The following NKAIN3 variants were observed in gnomAD, a reference collection of about 807,000 sequenced individuals.
NKAIN3 encodes sodium/potassium-transporting ATPase subunit beta-1-interacting protein 3.
A neutral mutation model predicts 30.2 loss-of-function variants in NKAIN3; 25 were observed. The ratio of observed to expected loss-of-function variants is 0.83; its 90% CI spans 0.60 to 1.16. The LOEUF is 1.16. Among genes scored for constraint, NKAIN3 ranks in the 50% most tolerant of loss-of-function variants. The pLI is 0.00. For synonymous variants in NKAIN3, 91 were observed against 89.6 expected, an observed-to-expected ratio of 1.02 and a Z score of -0.09; for missense variants, 225 against 254.1, an observed-to-expected ratio of 0.89 and a Z score of 0.78.
chr8:62,563,204 A>G (rs1042485568), intron 1 of NKAIN3, among the ~76,000 whole-genome samples: 8 of 152,114 alleles, frequency 5.3e-5, no homozygotes, highest in African/African-American at 1.9e-4. Context: ...CTATAACTGC[A>G]TTTTTTAAGG....
At chr8:62,858,988 C>A (rs894113398) in intron 4 of NKAIN3, among the ~76,000 whole-genome samples, 1 of 152,178 alleles carries the variant, frequency 6.6e-6, no homozygotes, top group African/African-American at 2.4e-5. Context: ...ATGTAAAGCT[C>A]CTGGGTCTCA....
chr8:62,427,165 T>C (rs1020068606), intron 1 of NKAIN3, among the ~76,000 whole-genome samples: 2 of 152,086 alleles, frequency 1.3e-5, no homozygotes, highest in African/African-American at 4.8e-5. Context: ...GAGATTACTT[T>C]CTTGTCAAAA....
At chr8:62,841,057 C>A (rs1230284682) in intron 4 of NKAIN3, among the ~76,000 whole-genome samples, 1 of 152,058 alleles carries the variant, frequency 6.6e-6, no homozygotes, top group Non-Finnish European at 1.5e-5. Flanking sequence ...TTGTCCTAAT[C>A]CCCAGACCTG....
chr8:62,306,921 T>C (rs1814264504), intron 1 of NKAIN3, among the ~76,000 whole-genome samples: 1 of 150,266 alleles, frequency 6.7e-6, no homozygotes, highest in Admixed American at 6.6e-5. Flanking sequence ...GAAAGCATAC[T>C]GGTCATGACC....
intron 1 of NKAIN3, among the ~76,000 whole-genome samples, chr8:62,455,526 G>A (rs1805787168): frequency 6.6e-6 from 1 of 152,144 alleles, no homozygotes; most frequent in African/African-American, 2.4e-5. Flanking sequence ...GAGGTGGTAG[G>A]GAGGAAGTGG....
At chr8:62,592,602 T>C (rs1166091528) in intron 3 of NKAIN3, among the ~76,000 whole-genome samples, 1 of 152,038 alleles carries the variant, frequency 6.6e-6, no homozygotes, top group African/African-American at 2.4e-5. Context: ...AACACAACCA[T>C]GTCAATGACT....
chr8:62,390,258 C>T (rs1817551563), intron 1 of NKAIN3, among the ~76,000 whole-genome samples: 1 of 152,116 alleles, frequency 6.6e-6, no homozygotes, highest in African/African-American at 2.4e-5. Flanking sequence ...CATTTCTTCT[C>T]ATCATTTAGC....
intron 1 of NKAIN3, among the ~76,000 whole-genome samples, chr8:62,427,005 T>G (rs1804828205): frequency 6.6e-6 from 1 of 151,944 alleles, no homozygotes; most frequent in Admixed American, 6.6e-5. Flanking sequence ...TTGTATAAGG[T>G]GATACCCATA....
At chr8:62,908,502 T>G (rs2085252) in intron 4 of NKAIN3, among the ~76,000 whole-genome samples, 13,764 of 112,548 alleles carry the variant, frequency 0.12, 650 homozygotes, top group South Asian at 0.23. Flanking sequence ...TCATCTTGAA[T>G]TATAGCTCCT....
rs1191364002 is a variant in NKAIN3 at position 62,909,294 on chromosome 8, C to T, written c.472-9159C>T. 2.0e-5 allele frequency among the ~76,000 whole-genome samples: 3 copies of T among 152,052 alleles called. No homozygotes were observed. The East Asian group carries it at 5.8e-4, about 29-fold the overall frequency. ...TTAGAATGTAGCTTTATGTCATTTG[C>T]ATTAATTAAATATATCAAAGAAGAT... On this transcript the variant is annotated intron_variant, in intron 4 of 6. Coordinates refer to ENST00000623646, the MANE Select transcript of NKAIN3 (RefSeq NM_001304533.3).
intron 3 of NKAIN3, among the ~76,000 whole-genome samples, chr8:62,604,112 C>T (rs890008717): frequency 6.6e-6 from 1 of 152,090 alleles, no homozygotes; most frequent in Non-Finnish European, 1.5e-5. Context: ...TTCCATCCTT[C>T]CATGTCCCAT....
intron 4 of NKAIN3, chr8:62,863,508 C>T: frequency 6.7e-7 from 1 of 1,492,690 alleles, no homozygotes; most frequent in Non-Finnish European, 9.3e-7. Context: ...GGTGGGAGGC[C>T]TTGATAGTTG....
chr8:62,347,542 A>G (rs1347290245), intron 1 of NKAIN3, among the ~76,000 whole-genome samples: 2 of 152,262 alleles, frequency 1.3e-5, no homozygotes, highest in Admixed American at 6.5e-5. Flanking sequence ...AGACATTTCC[A>G]TGGAAATATT....
intron 1 of NKAIN3, among the ~76,000 whole-genome samples, chr8:62,565,503 G>C (rs1365597802): frequency 6.6e-6 from 1 of 152,078 alleles, no homozygotes; most frequent in East Asian, 1.9e-4. Context: ...CCGAGGCACA[G>C]AGTTTAAGGA....
chr8:62,824,632 G>T (rs1818961900), intron 4 of NKAIN3, among the ~76,000 whole-genome samples: 1 of 151,994 alleles, frequency 6.6e-6, no homozygotes, highest in Non-Finnish European at 1.5e-5. Flanking sequence ...AGTCTTCATG[G>T]GAGAAACATG....
intron 4 of NKAIN3, among the ~76,000 whole-genome samples, chr8:62,851,669 A>C (rs983939845): frequency 6.6e-6 from 1 of 152,004 alleles, no homozygotes; most frequent in Non-Finnish European, 1.5e-5. Context: ...AGCATGAAGC[A>C]TTGTTGAATT....
chr8:62,751,036 C>G (rs1274230971), intron 4 of NKAIN3, among the ~76,000 whole-genome samples: 6 of 152,180 alleles, frequency 3.9e-5, no homozygotes, highest in South Asian at 2.1e-4. Context: ...TCCTTCCGAT[C>G]ACCCTTCAGT....
intron 5 of NKAIN3, chr8:62,990,141 A>C: frequency 9.4e-7 from 1 of 1,064,054 alleles, no homozygotes; most frequent in Non-Finnish European, 1.4e-6. Flanking sequence ...TTGATATTTT[A>C]AAAATCAACT....
chr8:62,911,733 A>G (rs1013857551), intron 4 of NKAIN3, among the ~76,000 whole-genome samples: 2 of 152,092 alleles, frequency 1.3e-5, no homozygotes, highest in Non-Finnish European at 2.9e-5. Flanking sequence ...TTTTCAAGCT[A>G]AAGGATCATC....
Sources: gnomAD v4.1 joint callset for allele counts (sites outside exome capture counted in the v4.1 genomes callset) on GRCh38, gnomAD v4.1.1 for gene constraint, MANE v1.5 for transcripts, NCBI Gene and HGNC (gene_info 2026-07-23, HGNC 2026-07-21) for gene names.